Variants in PTGFR observed in about 807,000 individuals in gnomAD.
PTGFR encodes prostaglandin F receptor.
A neutral mutation model predicts 26.2 loss-of-function variants in PTGFR; 15 were observed. The observed-to-expected ratio is 0.57, with a 90% CI of 0.38 to 0.88. The LOEUF is 0.88. Ranked by LOEUF, PTGFR falls within the 40% of genes least tolerant of loss-of-function variation. The pLI, the probability that PTGFR is intolerant of heterozygous loss-of-function variation, is 0.00. For synonymous variants in PTGFR, 165 were observed against 151.1 expected, an observed-to-expected ratio of 1.09 and a Z score of -0.68; for missense variants, 369 against 427.2, an observed-to-expected ratio of 0.86 and a Z score of 1.20.
intron 2 of PTGFR, among the ~76,000 whole-genome samples, chr1:78,521,093 T>C (rs1171998068): frequency 1.3e-5 from 2 of 152,094 alleles, no homozygotes; most frequent in Non-Finnish European, 2.9e-5. Context: ...CCCAGCTCTA[T>C]AGACACTCCA....
chr1:78,523,498 G>A (rs746169904), intron 2 of PTGFR, among the ~76,000 whole-genome samples: 1 of 152,040 alleles, frequency 6.6e-6, no homozygotes, highest in Non-Finnish European at 1.5e-5. Context: ...AAAGAAGTCT[G>A]AGCTGAAGAA....
At chr1:78,518,848 A>AAATCG (rs1650157916) in intron 2 of PTGFR, among the ~76,000 whole-genome samples, 1 of 152,138 alleles carries the variant, frequency 6.6e-6, no homozygotes, top group Non-Finnish European at 1.5e-5. Context: ...ATATTTAAAA[A>AAATCG]AATCGAGTAC....
intron 2 of PTGFR, chr1:78,498,013 C>A: frequency 8.5e-7 from 1 of 1,177,316 alleles, no homozygotes; most frequent in South Asian, 1.3e-5. Flanking sequence ...TAAGGTTACT[C>A]TTATGCTAAT....
At chr1:78,512,546 T>C (rs545349091) in intron 2 of PTGFR, among the ~76,000 whole-genome samples, 3 of 152,116 alleles carry the variant, frequency 2.0e-5, no homozygotes, top group Non-Finnish European at 4.4e-5. Context: ...GAGCAAGAAA[T>C]TACTCATTAC....
chr1:78,531,302 C>T (rs183393073), intron 2 of PTGFR, among the ~76,000 whole-genome samples: 39 of 152,244 alleles, frequency 2.6e-4, no homozygotes, highest in African/African-American at 8.4e-4. Flanking sequence ...AAGACAGAGA[C>T]GTCTCTGTTG....
At chr1:78,531,724 C>G (rs139441723) in intron 2 of PTGFR, among the ~76,000 whole-genome samples, 1 of 152,058 alleles carries the variant, frequency 6.6e-6, no homozygotes, top group African/African-American at 2.4e-5. Context: ...TGTTAACCCT[C>G]CTAACTCCTG....
intron 2 of PTGFR, among the ~76,000 whole-genome samples, chr1:78,506,078 T>C (rs1649821624): frequency 6.6e-6 from 1 of 152,242 alleles, no homozygotes; most frequent in Non-Finnish European, 1.5e-5. Context: ...GGTAATATAG[T>C]AATTCTGTTT....
In PTGFR at chr1:78,538,879, T is replaced by G. The variant is rs1174355606; in HGVS notation, c.*2192T>G. 6.6e-6 allele frequency: 1 copy of G among 152,076 alleles called. No homozygotes were observed. The highest frequency in any genetic ancestry group is 1.5e-5 in the Non-Finnish European group (1 of 67,984). 9.4% of individuals were successfully genotyped at this position (152,076 alleles called of 1,614,324 possible). A position where few individuals can be genotyped will look rare whatever the true frequency, so the allele number is the denominator to read the frequency against. ...ATCTTCAGAATTACTGAATTTCCTT[T>G]TGAACTGGGTAAGGCATTATCCAAG... On this transcript the variant is annotated 3_prime_UTR_variant, in exon 3 of 3. Transcript: ENST00000370757.
chr1:78,520,745 T>C (rs12093807), intron 2 of PTGFR, among the ~76,000 whole-genome samples: 1,529 of 152,224 alleles, frequency 0.01, 27 homozygotes, highest in African/African-American at 0.035. Flanking sequence ...GTAAAAATAA[T>C]TTGATCTAGT....
At chr1:78,529,988 CAAGGAAA>C (rs919403898) in intron 2 of PTGFR, among the ~76,000 whole-genome samples, 60 of 152,248 alleles carry the variant, frequency 3.9e-4, no homozygotes, top group African/African-American at 1.4e-3. Context: ...TCTCCACTGC[CAAGGAAA>C]AATTGTCTTC....
In PTGFR at chr1:78,536,843, CAAAT is replaced by C; in HGVS notation, c.*160_*163del. ...GTCAGATTCAGGTTTTGAAATTTGT[CAAAT>C]AAACAGGATAACTGTACATTTTTCA... On this transcript the variant is annotated 3_prime_UTR_variant, in exon 3 of 3. Coordinates refer to ENST00000370757, the MANE Select transcript of PTGFR (RefSeq NM_000959.4). 1.2e-6 allele frequency: 1 copy of C among 853,622 alleles called. No homozygotes were observed. Among genetic ancestry groups the C allele is most frequent in the Non-Finnish European group, 1.7e-6 (1 of 582,360 alleles). The allele number at this position is 853,622 out of a possible 1,614,324, so 52.9% of individuals were successfully genotyped here. A position where few individuals can be genotyped will look rare whatever the true frequency, so the allele number is the denominator to read the frequency against.
At chr1:78,503,380 G>A (rs150752152) in intron 2 of PTGFR, among the ~76,000 whole-genome samples, 183 of 152,234 alleles carry the variant, frequency 1.2e-3, no homozygotes, top group Non-Finnish European at 2.1e-3. Context: ...ATTCAAGGAA[G>A]TTTTAGAAAT....
chr1:78,516,772 G>A (rs1304697914), intron 2 of PTGFR, among the ~76,000 whole-genome samples: 1 of 151,770 alleles, frequency 6.6e-6, no homozygotes, highest in Non-Finnish European at 1.5e-5. Flanking sequence ...TTGAGAAGTC[G>A]TTTTTCTCTC....
rs1557645550 is a variant in PTGFR, at chr1:78,492,948, T to C, written c.205T>C (p.Leu69=). The C allele has an allele frequency of 6.2e-7, 1 of 1,614,252 alleles. No homozygotes were observed. The highest frequency in any genetic ancestry group is 8.5e-7 in the Non-Finnish European group (1 of 1,180,044). The change falls in exon 2 of 3, where the codon TTG becomes CTG. Residue 69 remains leucine (L), a synonymous_variant. Transcript: ENST00000370757. ...RQKSKASFLL[L]ASGLVITDFF... ...GAAGTCCAAGGCATCGTTTCTGCTT[T>C]TGGCCAGTGGCCTGGTAATCACTGA... is the stretch of plus-strand genomic sequence containing the variant.
Position 78,493,121 on chromosome 1 carries a change from C to A in PTGFR, c.378C>A (p.Gly126=). ...CTGGTCTGTGCCCACTTCTTCTAGG[C>A]AGTGTGATGGCCATTGAGCGGTGTA... ...VFSGLCPLLL[G]SVMAIERCIG... Residue 126 remains glycine (G), a synonymous_variant, in exon 2 of 3, where the codon GGC becomes GGA. Coordinates refer to ENST00000370757, the MANE Select transcript of PTGFR (RefSeq NM_000959.4). The A allele has an allele frequency of 6.2e-7, 1 of 1,614,208 alleles. No homozygotes were observed. Among genetic ancestry groups the A allele is most frequent in the Non-Finnish European group, 8.5e-7 (1 of 1,180,032 alleles).
chr1:78,511,580 T>C (rs977599398), intron 2 of PTGFR, among the ~76,000 whole-genome samples: 2 of 152,204 alleles, frequency 1.3e-5, no homozygotes, highest in Non-Finnish European at 2.9e-5. Context: ...CCTCTGGGCC[T>C]GTGAGGAGAG....
chr1:78,522,683 G>A (rs1650275288), intron 2 of PTGFR, among the ~76,000 whole-genome samples: 1 of 152,046 alleles, frequency 6.6e-6, no homozygotes, highest in South Asian at 2.1e-4. Flanking sequence ...AGAAAAGAGG[G>A]ATGAGGAAAG....
At chr1:78,507,767 T>C (rs1052712610) in intron 2 of PTGFR, among the ~76,000 whole-genome samples, 1 of 152,218 alleles carries the variant, frequency 6.6e-6, no homozygotes, top group Non-Finnish European at 1.5e-5. Flanking sequence ...GGTATTTTGA[T>C]TGATTTCTAG....
intron 2 of PTGFR, among the ~76,000 whole-genome samples, chr1:78,532,007 C>A (rs1650520398): frequency 6.6e-6 from 1 of 151,740 alleles, no homozygotes; most frequent in Admixed American, 6.6e-5. Flanking sequence ...ACAGAGAGAT[C>A]AAGAAAGGTT....
Sources: gnomAD v4.1 joint callset for allele counts (sites outside exome capture counted in the v4.1 genomes callset) on GRCh38, gnomAD v4.1.1 for gene constraint, MANE v1.5 for transcripts, NCBI Gene and HGNC (gene_info 2026-07-23, HGNC 2026-07-21) for gene names.